The following ERBB4 variants were observed in gnomAD, a reference collection of about 807,000 sequenced individuals.
ERBB4 encodes receptor tyrosine-protein kinase erbB-4.
Under a neutral mutation model 158.0 loss-of-function variants are expected in ERBB4, and 42 were observed. The observed-to-expected ratio is 0.27, with a 90% CI of 0.21 to 0.34. The LOEUF (loss-of-function observed/expected upper bound fraction) is 0.34. Ranked by LOEUF, ERBB4 falls within the 10% of genes least tolerant of loss-of-function variation. The pLI, the probability that ERBB4 is intolerant of heterozygous loss-of-function variation, is 1.00. For synonymous variants in ERBB4, 583 were observed against 558.7 expected (o/e 1.04, Z -0.61); for missense variants, 1,333 against 1,624.1 (o/e 0.82, Z 3.08).
chr2:211,763,053 T>G lies in ERBB4; in HGVS notation c.557-12349A>C, dbSNP rs200919093. Among the ~76,000 whole-genome samples, 49 of 144,552 alleles carry G rather than the reference T, an allele frequency of 3.4e-4. 1 individual carries two copies. Among genetic ancestry groups the G allele is most frequent in the Admixed American group, 3.1e-3 (45 of 14,594 alleles). 94.8% of individuals were successfully genotyped at this position (144,552 alleles called of 152,430 possible). A position where few individuals can be genotyped will look rare whatever the true frequency, so the allele number is the denominator to read the frequency against. On this transcript the variant is annotated intron_variant, in intron 4 of 27. Transcript: ENST00000342788. ...AACATCTAGGGATTGTGTGTGTGTG[T>G]GGTGTGTGTGTGTGTGTCTGGAGAC...
chr2:211,697,110 T>C (rs879576151), intron 12 of ERBB4, among the ~76,000 whole-genome samples: 4 of 147,990 alleles, frequency 2.7e-5, no homozygotes, highest in African/African-American at 7.7e-5. Context: ...TTAATGTATG[T>C]ATACTCATCT....
chr2:212,369,370 A>T (rs190780369), intron 1 of ERBB4, among the ~76,000 whole-genome samples: 77 of 152,174 alleles, frequency 5.1e-4, no homozygotes, highest in African/African-American at 1.8e-3. Context: ...TACGCATTTG[A>T]CTTTCTAATC....
intron 1 of ERBB4, among the ~76,000 whole-genome samples, chr2:212,264,959 T>C (rs1405102885): frequency 6.6e-6 from 1 of 152,142 alleles, no homozygotes; most frequent in Non-Finnish European, 1.5e-5. Context: ...GGAAGTGGAA[T>C]TAGACTAGTT....
chr2:212,323,935 G>A (rs2087693146), intron 1 of ERBB4, among the ~76,000 whole-genome samples: 1 of 150,474 alleles, frequency 6.6e-6, no homozygotes, highest in South Asian at 2.1e-4. Flanking sequence ...CCAGTCCGGA[G>A]CCATGCCCAC....
chr2:211,730,537 A>C (rs1281936505), intron 5 of ERBB4, among the ~76,000 whole-genome samples: 3 of 151,856 alleles, frequency 2.0e-5, no homozygotes, highest in African/African-American at 7.3e-5. Context: ...AGTGGTTCTG[A>C]ACTGGGTTGT....
At chr2:211,485,764 C>T (rs12995615) in intron 20 of ERBB4, among the ~76,000 whole-genome samples, 32,172 of 149,038 alleles carry the variant, frequency 0.22, 3,739 homozygotes, top group African/African-American at 0.29. Flanking sequence ...TGTTAAATGA[C>T]GAGTTAATGG....
chr2:211,902,966 C>G (rs930734885), intron 3 of ERBB4, among the ~76,000 whole-genome samples: 2 of 151,932 alleles, frequency 1.3e-5, no homozygotes, highest in African/African-American at 4.8e-5. Flanking sequence ...TCTCTGTAAT[C>G]TCAATCTATA....
chr2:212,431,369 T>C (rs2092026664), intron 1 of ERBB4, among the ~76,000 whole-genome samples: 1 of 150,476 alleles, frequency 6.6e-6, no homozygotes, highest in African/African-American at 2.5e-5. Context: ...CTTTGAAATT[T>C]CATATCATAT....
In ERBB4 at chr2:211,949,196, G is replaced by A. The variant is rs149365836; in HGVS notation, c.235-1580C>T. Among the ~76,000 whole-genome samples, 372 of 152,180 alleles carry A rather than the reference G, an allele frequency of 2.4e-3. 1 individual carries two copies. Among genetic ancestry groups the A allele is most frequent in the Middle Eastern group, 0.01 (3 of 294 alleles). ...CTAGGTTATTGCAATAGGTCTCCTT[G>A]AGTCTATTCCTGATCCCTATGGTGT... On this transcript the variant is annotated intron_variant, in intron 2 of 27. Coordinates refer to ENST00000342788, the MANE Select transcript of ERBB4 (RefSeq NM_005235.3).
At chr2:211,965,986 AG>A (rs1460051846) in intron 2 of ERBB4, among the ~76,000 whole-genome samples, 4 of 152,158 alleles carry the variant, frequency 2.6e-5, no homozygotes, top group Non-Finnish European at 5.9e-5. Flanking sequence ...CCAGGGCAGG[AG>A]GCTTGCTTCA....
chr2:211,411,330 G>A (rs1233319178), intron 25 of ERBB4, among the ~76,000 whole-genome samples: 2 of 152,136 alleles, frequency 1.3e-5, no homozygotes, highest in Non-Finnish European at 2.9e-5. Flanking sequence ...TGATATTTTT[G>A]TTATATATAA....
At chr2:212,480,388 A>G (rs935997672) in intron 1 of ERBB4, among the ~76,000 whole-genome samples, 1 of 152,208 alleles carries the variant, frequency 6.6e-6, no homozygotes, top group Non-Finnish European at 1.5e-5. Context: ...AAAGATAAGA[A>G]GGCACCAGAT....
chr2:211,762,447 T>G (rs2075438849), intron 4 of ERBB4, among the ~76,000 whole-genome samples: 1 of 152,230 alleles, frequency 6.6e-6, no homozygotes, highest in African/African-American at 2.4e-5. Context: ...CTTGTAGAGT[T>G]CAGGCTGGTG....
At chr2:212,452,944 A>C (rs1053019437) in intron 1 of ERBB4, among the ~76,000 whole-genome samples, 1 of 152,182 alleles carries the variant, frequency 6.6e-6, no homozygotes, top group Non-Finnish European at 1.5e-5. Context: ...CTAATAGAAA[A>C]ATTTAGTTCT....
At chr2:211,856,079 T>A (rs554605229) in intron 3 of ERBB4, among the ~76,000 whole-genome samples, 1 of 152,318 alleles carries the variant, frequency 6.6e-6, no homozygotes, top group Non-Finnish European at 1.5e-5. Context: ...TGTACCCATG[T>A]AACAAAATTG....
At chr2:211,837,435 A>C (rs2077366774) in intron 3 of ERBB4, among the ~76,000 whole-genome samples, 1 of 152,164 alleles carries the variant, frequency 6.6e-6, no homozygotes, top group Non-Finnish European at 1.5e-5. Context: ...GCTTAATCTA[A>C]AGCATAGAGG....
intron 20 of ERBB4, among the ~76,000 whole-genome samples, chr2:211,550,050 T>G (rs1048435447): frequency 1.3e-5 from 2 of 152,148 alleles, no homozygotes; most frequent in Non-Finnish European, 2.9e-5. Flanking sequence ...AAAAATTGTA[T>G]GCATTTAAAA....
intron 12 of ERBB4, among the ~76,000 whole-genome samples, chr2:211,696,331 G>A (rs1419288784): frequency 6.6e-6 from 1 of 152,026 alleles, no homozygotes; most frequent in Non-Finnish European, 1.5e-5. Flanking sequence ...AGATGATCTT[G>A]AACTCCTGAC....
intron 7 of ERBB4, among the ~76,000 whole-genome samples, chr2:211,716,258 A>T (rs2073894938): frequency 6.7e-6 from 1 of 148,816 alleles, no homozygotes; most frequent in East Asian, 2.1e-4. Context: ...GCTACTAGGG[A>T]GACTGAGGCA....
Sources: gnomAD v4.1 joint callset for allele counts (sites outside exome capture counted in the v4.1 genomes callset) on GRCh38, gnomAD v4.1.1 for gene constraint, MANE v1.5 for transcripts, NCBI Gene and HGNC (gene_info 2026-07-23, HGNC 2026-07-21) for gene names.